The following LRIF1 variants were observed in gnomAD, a reference collection of about 807,000 sequenced individuals.
LRIF1 encodes the protein ligand dependent nuclear receptor interacting factor 1, also known as ligand-dependent nuclear receptor-interacting factor 1.
In LRIF1, 32 loss-of-function variants were observed where a neutral mutation model predicts 52.7. That is an observed-to-expected ratio of 0.61 (90% CI 0.46 to 0.82). The LOEUF (loss-of-function observed/expected upper bound fraction) is 0.82. Among genes scored for constraint, LRIF1 ranks in the 40% least tolerant of loss-of-function variants. LRIF1 has a pLI of 0.00. For synonymous variants in LRIF1, 323 were observed against 317.4 expected (o/e 1.02, Z -0.19); for missense variants, 887 against 892.0 (o/e 0.99, Z 0.07).
the LRIF1 span, chr1:110,894,990 G>A: frequency 1.2e-5 from 19 of 1,613,966 alleles, no homozygotes; most frequent in Admixed American, 5.0e-5. Context: ...GGGTCTGACC[G>A]ACAGCATCCA....
the LRIF1 span, chr1:110,880,442 A>G: frequency 3.3e-5 from 5 of 152,238 alleles, no homozygotes; most frequent in African/African-American, 1.2e-4. Context: ...AATCAGTAGG[A>G]ATGTCCCTAA....
At chr1:110,915,329 G>GA in the LRIF1 span, among the ~76,000 whole-genome samples, 1 of 149,828 alleles carries the variant, frequency 6.7e-6, no homozygotes, top group East Asian at 2.0e-4. Flanking sequence ...ACTAAATATA[G>GA]AAAAAAACAT....
the LRIF1 span, chr1:110,899,699 T>G: frequency 6.4e-6 from 1 of 155,808 alleles, no homozygotes; most frequent in East Asian, 1.9e-4. Flanking sequence ...ACAGTTCTCT[T>G]TCTCCAAAGG....
the LRIF1 span, among the ~76,000 whole-genome samples, chr1:110,905,766 A>C: frequency 6.6e-6 from 1 of 152,212 alleles, no homozygotes; most frequent in Non-Finnish European, 1.5e-5. Flanking sequence ...TGTGGTGTAT[A>C]AACTACTCTT....
Position 110,951,308 on chromosome 1 carries a change from A to C in LRIF1, c.1576T>G (p.Phe526Val). 1 of 1,612,814 alleles carries C rather than the reference A, an allele frequency of 6.2e-7. No individual in the cohort carries two copies. The highest frequency in any genetic ancestry group is 8.5e-7 in the Non-Finnish European group (1 of 1,179,464). ...ATTVTSQQCV[F>V]RDQEPKIHNE... ...ATTACCTTTGGTTCTTGGTCTCTGA[A>C]AACACACTGTTGTGAAGTAACAGTT... The change falls in exon 2 of 4, where the codon TTC (phenylalanine) becomes GTC (valine). Residue 526 changes from phenylalanine (F) to valine (V), a missense_variant. Coordinates refer to ENST00000369763, the MANE Select transcript of LRIF1 (RefSeq NM_018372.4).
At chr1:110,920,309 T>C in the LRIF1 span, among the ~76,000 whole-genome samples, 1 of 152,200 alleles carries the variant, frequency 6.6e-6, no homozygotes, top group African/African-American at 2.4e-5. Context: ...CTTCAGTAGA[T>C]GAATGGACAA....
downstream of LRIF1, chr1:110,942,458 A>T (rs1397725569): frequency 6.6e-6 from 1 of 151,972 alleles, no homozygotes; most frequent in Non-Finnish European, 1.5e-5. Context: ...CCTTCCTTAA[A>T]TTTTAACAAA....
the LRIF1 span, among the ~76,000 whole-genome samples, chr1:110,917,958 T>TA: frequency 0.59 from 89,782 of 151,530 alleles, 27,098 homozygotes; most frequent in East Asian, 0.84. Flanking sequence ...ACATTAGTTT[T>TA]AAAATCATTA....
At chr1:110,950,286 T>C (rs181852102) in intron 2 of LRIF1, among the ~76,000 whole-genome samples, 163 bp from the exon 3 acceptor site, 1 of 152,320 alleles carries the variant, frequency 6.6e-6, no homozygotes, top group Non-Finnish European at 1.5e-5. Context: ...AAACTGAATA[T>C]AAGGAAGTAC....
chr1:110,932,979 A>C, the LRIF1 span, among the ~76,000 whole-genome samples: 1 of 152,200 alleles, frequency 6.6e-6, no homozygotes. Flanking sequence ...GCAGTGCTTC[A>C]GTCTCATATT....
chr1:110,940,733 A>T, the LRIF1 span: 2 of 152,206 alleles, frequency 1.3e-5, no homozygotes, highest in Non-Finnish European at 2.9e-5. Flanking sequence ...CAGACACAGA[A>T]AGACAAACAT....
the LRIF1 span, among the ~76,000 whole-genome samples, chr1:110,903,745 G>C: frequency 6.6e-6 from 1 of 152,200 alleles, no homozygotes; most frequent in African/African-American, 2.4e-5. Context: ...GAGAAAAGCG[G>C]AGGGAAAAGT....
the LRIF1 span, among the ~76,000 whole-genome samples, chr1:110,908,191 C>A: frequency 6.6e-6 from 1 of 152,076 alleles, no homozygotes; most frequent in Admixed American, 6.5e-5. Context: ...ATGTAAAAGA[C>A]AAATATAGAA....
At chr1:110,895,207 G>C in the LRIF1 span, 1 of 631,216 alleles carries the variant, frequency 1.6e-6, no homozygotes, top group Non-Finnish European at 2.9e-6. Flanking sequence ...AAACATGGGA[G>C]CCCAGTAATT....
rs1372559527 is a variant in LRIF1, at chr1:110,952,676, C to T, written c.208G>A (p.Gly70Arg). ...ACTTGAACTGGTTTTCCTGTATTCC[C>T]TTTCAAAGCATCAGACATGACTGAA... ...QSSVMSDALKGNTGKPVQVTF... is the reference protein window; with the variant it reads ...QSSVMSDALKRNTGKPVQVTF... The change falls in exon 2 of 4, where the codon GGG becomes AGG. Residue 70 changes from glycine (G) to arginine (R), a missense_variant. Physicochemically the swap from Gly to Arg is moderately radical, Grantham distance 125 (BLOSUM62 -2). Coordinates refer to ENST00000369763, the MANE Select transcript of LRIF1 (RefSeq NM_018372.4). 1 of 1,614,078 alleles carries T rather than the reference C, an allele frequency of 6.2e-7. No individual in the cohort carries two copies. The highest frequency in any genetic ancestry group is 8.5e-7 in the Non-Finnish European group (1 of 1,180,006).
the LRIF1 span, among the ~76,000 whole-genome samples, chr1:110,927,394 T>G: frequency 6.6e-6 from 1 of 152,028 alleles, no homozygotes; most frequent in Non-Finnish European, 1.5e-5. Flanking sequence ...AAAAGATAAA[T>G]GTAGTGTGAG....
At chr1:110,896,767 T>A in the LRIF1 span, 8 of 1,570,558 alleles carry the variant, frequency 5.1e-6, no homozygotes, top group Non-Finnish European at 6.1e-6. Context: ...GTTATTGACC[T>A]CTTTGTTTAA....
At chr1:110,948,431 A>C in intron 3 of LRIF1, 32 bp from the exon 4 acceptor site, 1 of 1,575,028 alleles carries the variant, frequency 6.3e-7, no homozygotes, top group Non-Finnish European at 8.6e-7. Flanking sequence ...CAAAACAAAA[A>C]CGAAATGTTA....
At chr1:110,896,085 A>G in the LRIF1 span, among the ~76,000 whole-genome samples, 7 of 152,330 alleles carry the variant, frequency 4.6e-5, no homozygotes, top group East Asian at 1.2e-3. Context: ...TTTAATCTAT[A>G]ATAGTACACC....
Sources: allele counts gnomAD v4.1 joint callset (sites outside exome capture counted in the v4.1 genomes callset), GRCh38; gene constraint gnomAD v4.1.1; transcripts MANE v1.5; gene names NCBI Gene and HGNC (gene_info 2026-07-23, HGNC 2026-07-21).